Variants in CDC42BPA observed in about 807,000 individuals in gnomAD.
CDC42BPA encodes serine/threonine-protein kinase MRCK alpha.
CDC42BPA carries 80 observed loss-of-function variants against 223.5 expected under a neutral mutation model. The observed-to-expected ratio is 0.36, with a 90% CI of 0.30 to 0.43. CDC42BPA has a LOEUF of 0.43. Among genes scored for constraint, CDC42BPA ranks in the 20% least tolerant of loss-of-function variants. CDC42BPA has a pLI of 1.00. For missense variants in CDC42BPA, 1,743 were observed against 2,099.9 expected, an observed-to-expected ratio of 0.83 and a Z score of 3.32; for synonymous variants, 694 against 718.6, an observed-to-expected ratio of 0.97 and a Z score of 0.55.
At chr1:227,020,948 T>C (rs985498177) in intron 32 of CDC42BPA, among the ~76,000 whole-genome samples, 1 of 152,172 alleles carries the variant, frequency 6.6e-6, no homozygotes, top group African/African-American at 2.4e-5. Flanking sequence ...TATTTCACTA[T>C]TGTTGGTTCT....
At chr1:227,255,824 C>A (rs530234548) in intron 1 of CDC42BPA, among the ~76,000 whole-genome samples, 4 of 152,116 alleles carry the variant, frequency 2.6e-5, no homozygotes, top group African/African-American at 9.7e-5. Context: ...AATGAAAAGA[C>A]ATCCAGTATT....
intron 2 of CDC42BPA, among the ~76,000 whole-genome samples, chr1:227,224,137 G>T (rs1676418062): frequency 6.6e-6 from 1 of 151,230 alleles, no homozygotes; most frequent in Non-Finnish European, 1.5e-5. Context: ...TTTGTATTCT[G>T]CTTATTAATA....
At chr1:227,204,824 G>GT (rs781425321) in intron 3 of CDC42BPA, among the ~76,000 whole-genome samples, 2 of 151,902 alleles carry the variant, frequency 1.3e-5, no homozygotes, top group Non-Finnish European at 2.9e-5. Context: ...CTTCATCTTT[G>GT]TAAGAATTCA....
At chr1:227,180,513 T>A (rs1452071477) in intron 5 of CDC42BPA, 3 of 152,128 alleles carry the variant, frequency 2.0e-5, no homozygotes, top group Non-Finnish European at 2.9e-5. Context: ...TCCTTCCAGT[T>A]TGAAGGCAAA....
chr1:227,317,787 G>A lies in CDC42BPA; in HGVS notation c.-605C>T, dbSNP rs1198698888. On this transcript the variant is annotated 5_prime_UTR_variant, in exon 1 of 37. Transcript: ENST00000366766. ...GGGAAAGGGAGGGGGCGAGGTCCCTGAAGCAGCCCCTCGGCTCGGAGCACG... is the reference window on the plus strand; with the variant it reads ...GGGAAAGGGAGGGGGCGAGGTCCCTAAAGCAGCCCCTCGGCTCGGAGCACG... 7.5e-6 allele frequency: 3 copies of A among 398,580 alleles called. No individual in the cohort carries two copies. The highest frequency in any genetic ancestry group is 1.3e-5 in the Non-Finnish European group (3 of 226,136). 24.7% of individuals were successfully genotyped at this position (398,580 alleles called of 1,614,324 possible).
intron 23 of CDC42BPA, among the ~76,000 whole-genome samples, chr1:227,043,971 A>G (rs1400654691): frequency 1.3e-5 from 2 of 152,196 alleles, no homozygotes; most frequent in African/African-American, 2.4e-5. Flanking sequence ...TTATACTTCC[A>G]GTATCCACGT....
rs1378655199 is a variant in CDC42BPA at position 226,993,349 on chromosome 1, A to G, written c.*919T>C. 1 of 152,256 alleles carries G rather than the reference A, an allele frequency of 6.6e-6. No individual in the cohort carries two copies. The highest frequency in any genetic ancestry group is 1.5e-5 in the Non-Finnish European group (1 of 68,056). 9.4% of individuals were successfully genotyped at this position (152,256 alleles called of 1,614,324 possible). ...AAGTGAGAAGTGTTCAAATTCCACC[A>G]CTAGGAAAAGAAACATCTTGGGTAG... On this transcript the variant is annotated 3_prime_UTR_variant, in exon 37 of 37. Coordinates refer to ENST00000366766, the MANE Select transcript of CDC42BPA (RefSeq NM_001394014.1).
chr1:227,201,362 G>C (rs931659427), intron 3 of CDC42BPA, among the ~76,000 whole-genome samples: 1 of 151,892 alleles, frequency 6.6e-6, no homozygotes, highest in Non-Finnish European at 1.5e-5. Context: ...TGCTCAGGTT[G>C]GTCTCATACT....
chr1:227,021,830 C>T (rs1358239246), intron 32 of CDC42BPA, among the ~76,000 whole-genome samples: 2 of 151,810 alleles, frequency 1.3e-5, no homozygotes, highest in Non-Finnish European at 2.9e-5. Context: ...TCATCCTGGC[C>T]AACATGGTGA....
chr1:227,235,953 G>C (rs1280400214), intron 2 of CDC42BPA, among the ~76,000 whole-genome samples: 1 of 152,198 alleles, frequency 6.6e-6, no homozygotes, highest in Non-Finnish European at 1.5e-5. Flanking sequence ...CAGGAGAGAT[G>C]GTAAGTAGCT....
intron 26 of CDC42BPA, 140 bp downstream of exon 26, chr1:227,034,515 T>C: frequency 1.3e-6 from 1 of 764,856 alleles, no homozygotes; most frequent in Non-Finnish European, 2.0e-6. Context: ...TTCAATTCTG[T>C]TTCTATAGCA....
At chr1:227,254,411 G>C (rs1682698216) in intron 1 of CDC42BPA, among the ~76,000 whole-genome samples, 1 of 152,032 alleles carries the variant, frequency 6.6e-6, no homozygotes, top group South Asian at 2.1e-4. Flanking sequence ...ACATATAAAA[G>C]AATGCAAAGC....
intron 11 of CDC42BPA, among the ~76,000 whole-genome samples, chr1:227,123,525 T>C (rs1476982327): frequency 6.6e-6 from 1 of 152,166 alleles, no homozygotes; most frequent in Non-Finnish European, 1.5e-5. Context: ...AGCAACACTC[T>C]TTAAAAAAAT....
intron 35 of CDC42BPA, among the ~76,000 whole-genome samples, chr1:227,000,442 C>G (rs1280085173): frequency 6.6e-6 from 1 of 152,154 alleles, no homozygotes; most frequent in African/African-American, 2.4e-5. Flanking sequence ...TTTTGTTATT[C>G]TGCACAGAAA....
At chr1:227,073,349 T>A (rs1002355761) in intron 19 of CDC42BPA, among the ~76,000 whole-genome samples, 4 of 152,138 alleles carry the variant, frequency 2.6e-5, no homozygotes, top group Non-Finnish European at 4.4e-5. Context: ...GCTAACTGCT[T>A]CAGAGACTGT....
intron 21 of CDC42BPA, among the ~76,000 whole-genome samples, chr1:227,054,839 A>G (rs1175256071): frequency 6.6e-6 from 1 of 152,106 alleles, no homozygotes; most frequent in Non-Finnish European, 1.5e-5. Flanking sequence ...TAATTGTAAT[A>G]AAGTAGAATA....
intron 10 of CDC42BPA, among the ~76,000 whole-genome samples, chr1:227,137,308 G>A (rs1658769565): frequency 6.6e-6 from 1 of 152,046 alleles, no homozygotes; most frequent in South Asian, 2.1e-4. Context: ...TTAAAATCAT[G>A]GCAGAACATC....
chr1:227,144,139 T>C lies in CDC42BPA; in HGVS notation c.1144-1115A>G, dbSNP rs12045876. 2.4e-3 allele frequency among the ~76,000 whole-genome samples: 363 copies of C among 152,324 alleles called. 4 individuals are homozygous for C. In the East Asian group the frequency reaches 0.052, roughly 22 times the overall value. On this transcript the variant is annotated intron_variant, in intron 8 of 36. Coordinates refer to ENST00000366766, the MANE Select transcript of CDC42BPA (RefSeq NM_001394014.1). ...TATTCACTGTTTCAGTGAAAAGTTA[T>C]ATAACGTGTACCGATTATGTACCCA...
At chr1:227,167,951 G>A (rs1251755407) in intron 5 of CDC42BPA, among the ~76,000 whole-genome samples, 2 of 150,062 alleles carry the variant, frequency 1.3e-5, no homozygotes, top group Non-Finnish European at 3.0e-5. Context: ...TTTAGACGGA[G>A]TCTCACTCTG....
Sources: gnomAD v4.1 joint callset for allele counts (sites outside exome capture counted in the v4.1 genomes callset) on GRCh38, gnomAD v4.1.1 for gene constraint, MANE v1.5 for transcripts, NCBI Gene and HGNC (gene_info 2026-07-23, HGNC 2026-07-21) for gene names.